Variants in NREP observed in about 807,000 individuals in gnomAD.
NREP encodes neuronal regeneration related protein.
NREP carries 5 observed loss-of-function variants against 8.6 expected under a neutral mutation model. The observed-to-expected ratio is 0.58, with a 90% confidence interval of 0.30 to 1.22. The LOEUF is 1.22. Ranked by LOEUF, NREP falls within the 50% of genes most tolerant of loss-of-function variation. The pLI is 0.07. For missense variants in NREP, 86 were observed against 82.5 expected, an observed-to-expected ratio of 1.04 and a Z score of -0.17; for synonymous variants, 27 against 28.0, an observed-to-expected ratio of 0.96 and a Z score of 0.11.
At chr5:111,932,103 G>A (rs746511548) in intron 2 of NREP, among the ~76,000 whole-genome samples, 10 of 142,832 alleles carry the variant, frequency 7.0e-5, no homozygotes, top group Middle Eastern at 3.3e-3. Flanking sequence ...ATTAAAGACC[G>A]TGGAGACTTT....
intron 2 of NREP, among the ~76,000 whole-genome samples, chr5:111,948,242 A>C (rs987603018): frequency 1.3e-5 from 2 of 152,094 alleles, no homozygotes; most frequent in African/African-American, 4.8e-5. Flanking sequence ...AACGTGTTCC[A>C]CATTTTTGGA....
At chr5:111,841,233 T>C (rs77776112) in intron 2 of NREP, among the ~76,000 whole-genome samples, 6 of 152,130 alleles carry the variant, frequency 3.9e-5, no homozygotes, top group Non-Finnish European at 8.8e-5. Context: ...ATTGTGCCCC[T>C]GAAAGCTAGA....
intron 2 of NREP, among the ~76,000 whole-genome samples, chr5:111,933,545 G>C (rs1755600844): frequency 6.6e-6 from 1 of 152,030 alleles, no homozygotes; most frequent in African/African-American, 2.4e-5. Flanking sequence ...TTTATTGAGA[G>C]ACAGAGGAAG....
upstream of NREP, among the ~76,000 whole-genome samples, chr5:111,762,027 A>G (rs1286837649): frequency 6.6e-6 from 1 of 152,164 alleles, no homozygotes; most frequent in East Asian, 1.9e-4. Context: ...TGAGGAAATG[A>G]GTTCAATTTC....
chr5:111,756,433 T>G (rs1446462888), intron 1 of NREP, among the ~76,000 whole-genome samples: 2 of 151,938 alleles, frequency 1.3e-5, no homozygotes, highest in African/African-American at 4.8e-5. Flanking sequence ...CTTTATATTA[T>G]CAGAAGACCG....
chr5:111,802,334 CA>C (rs34598041), intron 2 of NREP, among the ~76,000 whole-genome samples: 75,846 of 151,690 alleles, frequency 0.5, 20,304 homozygotes, highest in African/African-American at 0.68. Context: ...CTGTTTTAGG[CA>C]AAAAAAAGTA....
chr5:111,924,652 C>T (rs1331378553), intron 2 of NREP, among the ~76,000 whole-genome samples: 1 of 152,126 alleles, frequency 6.6e-6, no homozygotes, highest in South Asian at 2.1e-4. Flanking sequence ...GTTGCAGGGG[C>T]TACTGCAGTG....
intron 2 of NREP, among the ~76,000 whole-genome samples, chr5:111,779,352 C>T (rs1038028593): frequency 3.5e-4 from 53 of 152,190 alleles, no homozygotes; most frequent in African/African-American, 1.2e-3. Flanking sequence ...TCACACAGCT[C>T]TGCACCTGCT....
At chr5:111,888,329 C>T (rs1464639811) in intron 2 of NREP, among the ~76,000 whole-genome samples, 1 of 145,568 alleles carries the variant, frequency 6.9e-6, no homozygotes, top group Non-Finnish European at 1.5e-5. Flanking sequence ...CACAGTTCCC[C>T]ATTGCTGGGT....
chr5:111,811,653 C>A (rs1752271620), intron 2 of NREP, among the ~76,000 whole-genome samples: 1 of 152,160 alleles, frequency 6.6e-6, no homozygotes. Context: ...CTGAGCAGGA[C>A]AAATATTTTT....
At chr5:111,794,595 A>T (rs1751833555) in intron 2 of NREP, among the ~76,000 whole-genome samples, 1 of 152,224 alleles carries the variant, frequency 6.6e-6, no homozygotes, top group Admixed American at 6.5e-5. Flanking sequence ...ATACAATATG[A>T]TTTCAACTAC....
At chr5:111,927,621 G>C (rs972884733) in intron 2 of NREP, among the ~76,000 whole-genome samples, 2 of 152,094 alleles carry the variant, frequency 1.3e-5, no homozygotes, top group Admixed American at 1.3e-4. Flanking sequence ...TAAAAATATA[G>C]ATTTACTGAG....
chr5:111,812,512 A>T (rs1257306978), intron 2 of NREP, among the ~76,000 whole-genome samples: 3 of 152,178 alleles, frequency 2.0e-5, no homozygotes, highest in Non-Finnish European at 4.4e-5. Flanking sequence ...ATTATTATTA[A>T]CACAAACAAG....
At chr5:111,855,385 A>G (rs1753403811) in intron 2 of NREP, among the ~76,000 whole-genome samples, 1 of 152,216 alleles carries the variant, frequency 6.6e-6, no homozygotes, top group Admixed American at 6.5e-5. Flanking sequence ...TAATTAATCA[A>G]TGTTAGCTCT....
chr5:111,866,797 A>G (rs1395192496), intron 2 of NREP, among the ~76,000 whole-genome samples: 1 of 152,200 alleles, frequency 6.6e-6, no homozygotes, highest in African/African-American at 2.4e-5. Context: ...CATATACACC[A>G]TGGAATACTA....
chr5:111,914,523 G>C (rs934932058), intron 2 of NREP, among the ~76,000 whole-genome samples: 2 of 152,050 alleles, frequency 1.3e-5, no homozygotes, highest in African/African-American at 4.8e-5. Context: ...TAGCCAATCG[G>C]GACAAATACA....
At chr5:111,895,728 T>C (rs1754494710) in intron 2 of NREP, among the ~76,000 whole-genome samples, 1 of 152,184 alleles carries the variant, frequency 6.6e-6, no homozygotes, top group Non-Finnish European at 1.5e-5. Context: ...ACATTATTCC[T>C]TAGCCTCTAC....
intron 2 of NREP, among the ~76,000 whole-genome samples, chr5:111,944,564 C>T (rs999122473): frequency 2.0e-5 from 3 of 152,150 alleles, no homozygotes; most frequent in African/African-American, 4.8e-5. Context: ...GCCTTGGGCT[C>T]CCAAAGTGCT....
rs554614132 is a variant in NREP at position 111,943,124 on chromosome 5, G to A, written c.135+32150C>T. Among the ~76,000 whole-genome samples the A allele has an allele frequency of 9.2e-5, 14 of 151,936 alleles. No homozygotes were observed. The East Asian group carries it at 2.3e-3, about 25-fold the overall frequency. ...AGCTTTCTAGGCAGCTATGACAACT[G>A]GCTCCTCTTTTGCATCTCCACTCTG... On this transcript the variant is annotated intron_variant, in intron 2 of 3. Coordinates refer to the NREP transcript ENST00000395634.
Sources: allele counts gnomAD v4.1 joint callset (sites outside exome capture counted in the v4.1 genomes callset), GRCh38; gene constraint gnomAD v4.1.1; transcripts MANE v1.5; gene names NCBI Gene and HGNC (gene_info 2026-07-23, HGNC 2026-07-21).